The following MYH7 variants were observed in gnomAD, a reference collection of about 807,000 sequenced individuals.
MYH7 encodes myosin-7.
A neutral mutation model predicts 225.4 loss-of-function variants in MYH7; 129 were observed. That is an observed-to-expected ratio of 0.57 (90% confidence interval 0.50 to 0.66). The LOEUF is 0.66. Among genes scored for constraint, MYH7 ranks in the 30% least tolerant of loss-of-function variants. The probability of loss-of-function intolerance (pLI) is 0.00; values close to 1 mark genes in which losing one functional copy is unlikely to be tolerated. For missense variants in MYH7, 1,649 were observed against 2,517.0 expected, an observed-to-expected ratio of 0.66 and a Z score of 7.38; for synonymous variants, 971 against 1,007.6, an observed-to-expected ratio of 0.96 and a Z score of 0.69.
chr14:23,423,839 G>A lies in MYH7; in HGVS notation c.2922+68C>T, dbSNP rs1268739355. On this transcript the variant is annotated intron_variant, in intron 23 of 39. Transcript: ENST00000355349. ...CTCTGGATGCCGAGTGGCTAGCCTG[G>A]GTCAAGGTCAGTATGGTCTGAGAGT... is the stretch of plus-strand genomic sequence containing the variant. 4 of 1,613,518 alleles carry A rather than the reference G, an allele frequency of 2.5e-6. No homozygotes were observed. In the East Asian group the frequency reaches 6.7e-5, roughly 27 times the overall value.
In MYH7 at chr14:23,427,607, G is replaced by A. The variant is rs1228092542; in HGVS notation, c.1866C>T (p.Ala622=). 1 of 1,614,062 alleles carries A rather than the reference G, an allele frequency of 6.2e-7. No individual in the cohort carries two copies. The highest frequency in any genetic ancestry group is 8.5e-7 in the Non-Finnish European group (1 of 1,180,038). ...SSLKLLSTLF[A]NYAGADAPIE... is the part of the protein sequence containing the mutation. ...TACGCGCATCAGCCCCAGCATAGTTGGCAAACAGGGTGCTGAGCAGCTTGA... is the reference window on the plus strand; with the variant it reads ...TACGCGCATCAGCCCCAGCATAGTTAGCAAACAGGGTGCTGAGCAGCTTGA... Residue 622 remains alanine (A), a synonymous_variant, in exon 16 of 40, where the codon GCC becomes GCT. Coordinates refer to ENST00000355349, the MANE Select transcript of MYH7 (RefSeq NM_000257.4).
At chr14:23,429,743 G>A in intron 12 of MYH7, 32 bp downstream of exon 12, 2 of 1,609,026 alleles carry the variant, frequency 1.2e-6, no homozygotes, top group East Asian at 2.2e-5. Flanking sequence ...TCCATGACTT[G>A]ACAGCTGCCC....
At chr14:23,412,987 G>C in intron 39 of MYH7, 116 bp from the exon 40 acceptor site, 1 of 1,025,918 alleles carries the variant, frequency 9.7e-7, no homozygotes, top group Non-Finnish European at 1.5e-6. Context: ...TTGTGGGCAG[G>C]TGGAAGCCCC....
intron 31 of MYH7, 35 bp from the exon 32 acceptor site, chr14:23,417,353 A>G: frequency 6.2e-7 from 1 of 1,612,552 alleles, no homozygotes; most frequent in African/African-American, 1.3e-5. Flanking sequence ...TCAGCCCCCC[A>G]GCCTCAGCCC....
chr14:23,415,473 C>G lies in MYH7; in HGVS notation c.5191G>C (p.Asp1731His). ...GTCTGGAGCTGGGACAGGTCAGCAT[C>G]CATCTTCTTCTTCTGGTTGATGAGG... is the stretch of plus-strand genomic sequence containing the variant. ...TSLINQKKKMDADLSQLQTEV... is the reference protein window; with the variant it reads ...TSLINQKKKMHADLSQLQTEV... Residue 1731 changes from aspartate (D) to histidine (H), a missense_variant, in exon 36 of 40, where the codon GAT becomes CAT. Coordinates refer to ENST00000355349, the MANE Select transcript of MYH7 (RefSeq NM_000257.4). The surrounding 1 kb of genome is among the most constrained non-coding windows in gnomAD (Gnocchi z 6.3). 7 of 1,614,230 alleles carry G rather than the reference C, an allele frequency of 4.3e-6. No individual in the cohort carries two copies. Among genetic ancestry groups the G allele is most frequent in the Non-Finnish European group, 5.9e-6 (7 of 1,180,046 alleles).
rs565663412 is a variant in MYH7 at position 23,416,063 on chromosome 14, C to T, written c.4894G>A (p.Ala1632Thr). ...TGGGCCTCGGCGGCCATGCGGTTGG[C>T]GTGGCTGAGCTGGATCTCCATCTCA... Reference protein sequence around the residue: ...LNEMEIQLSHANRMAAEAQKQ... With the variant: ...LNEMEIQLSHTNRMAAEAQKQ... Residue 1632 changes from alanine to threonine, a missense_variant, in exon 34 of 40, where the codon GCC becomes ACC. By Grantham distance (58) the Ala-to-Thr change is moderately conservative. Coordinates refer to ENST00000355349, the MANE Select transcript of MYH7 (RefSeq NM_000257.4). 32 of 1,614,190 alleles carry T rather than the reference C, an allele frequency of 2.0e-5. No individual in the cohort carries two copies. The highest frequency in any genetic ancestry group is 8.9e-5 in the East Asian group (4 of 44,884).
rs200457830 is a variant in MYH7, at chr14:23,415,860, A to G, written c.4954-28T>C. 2.5e-6 allele frequency: 4 copies of G among 1,614,166 alleles called. No homozygotes were observed. Among genetic ancestry groups the G allele is most frequent in the African/African-American group, 1.3e-5 (1 of 75,052 alleles). On this transcript the variant is annotated intron_variant, in intron 34 of 39. Coordinates refer to ENST00000355349, the MANE Select transcript of MYH7 (RefSeq NM_000257.4). The surrounding 1 kb of genome is among the most constrained non-coding windows in gnomAD (Gnocchi z 6.3). ...GAGGATCAGGAGAGTGGGCATGAGC[A>G]GGGAGCCAGCCTCGGTTCCCTTCAC... is the stretch of plus-strand genomic sequence containing the variant.
At position 23,425,322 on chromosome 14, in the gene MYH7, C is replaced by T. The variant is rs1015031034; in HGVS notation, c.2383G>A (p.Val795Met). 1 of 1,614,194 alleles carries T rather than the reference C, an allele frequency of 6.2e-7. No homozygotes were observed. The highest frequency in any genetic ancestry group is 8.5e-7 in the Non-Finnish European group (1 of 1,180,032). ...ITRIQAQSRGVLARMEYKKLL... is the reference protein window; with the variant it reads ...ITRIQAQSRGMLARMEYKKLL... ...TTTTTGTACTCCATTCTGGCGAGCACACCTCGGGACTGGGCCTGGATACGC... is the reference window on the plus strand; with the variant it reads ...TTTTTGTACTCCATTCTGGCGAGCATACCTCGGGACTGGGCCTGGATACGC... The change falls in exon 21 of 40, where the codon GTG becomes ATG. Residue 795 changes from valine (V) to methionine (M), a missense_variant. By Grantham distance (21) the Val-to-Met change is conservative. This residue lies in a region of MYH7 where 36 missense variants were observed against 43.2 expected (regional missense o/e 0.83). Coordinates refer to ENST00000355349, the MANE Select transcript of MYH7 (RefSeq NM_000257.4). The surrounding 1 kb of genome is among the most constrained non-coding windows in gnomAD (Gnocchi z 4.6).
intron 25 of MYH7, chr14:23,421,706 C>G: frequency 3.1e-6 from 3 of 978,894 alleles, no homozygotes; most frequent in Non-Finnish European, 3.6e-6. Context: ...TTTGGAAGAA[C>G]TTACACTAAG....
chr14:23,418,817 A>C lies in MYH7; in HGVS notation c.3972+360T>G, dbSNP rs181639217. ...TTCATGAGTCCAGCAAAGTGCTAGG[A>C]ATAGGCTCCAGTTGAATTTCTTTCT... On this transcript the variant is annotated intron_variant, in intron 29 of 39. Coordinates refer to ENST00000355349, the MANE Select transcript of MYH7 (RefSeq NM_000257.4). Among the ~76,000 whole-genome samples, 309 of 152,318 alleles carry C rather than the reference A, an allele frequency of 2.0e-3. 1 individual carries two copies. Among genetic ancestry groups the C allele is most frequent in the African/African-American group, 7.0e-3 (290 of 41,574 alleles).
chr14:23,429,537 A>G (rs1892839922), intron 12 of MYH7, among the ~76,000 whole-genome samples, 190 bp from the exon 13 acceptor site: 1 of 152,048 alleles, frequency 6.6e-6, no homozygotes, highest in Non-Finnish European at 1.5e-5. Context: ...TTAGCCAGGC[A>G]TGGTGGTGCA....
At chr14:23,419,795 G>C in intron 27 of MYH7, 50 bp downstream of exon 27, 1 of 1,614,044 alleles carries the variant, frequency 6.2e-7, no homozygotes, top group Non-Finnish European at 8.5e-7. Context: ...TGGACAGAAA[G>C]GGGAGGTGGG....
Position 23,419,534 on chromosome 14 carries a change from G to A in MYH7, c.3802C>T (p.Arg1268Cys), listed in dbSNP as rs1892379072. ...EHRSKAEETQ[R>C]SVNDLTSQRA... Reference sequence around the variant, plus strand: ...TGGCTGGTGAGGTCGTTGACAGAACGCTGGGTCTCCTCCGCCTTGCTCCGG... The same window carrying A: ...TGGCTGGTGAGGTCGTTGACAGAACACTGGGTCTCCTCCGCCTTGCTCCGG... Residue 1268 changes from arginine (R) to cysteine (C), a missense_variant, in exon 28 of 40, where the codon CGT becomes TGT. Physicochemically the swap from Arg to Cys is radical, Grantham distance 180. This residue lies in a region of MYH7 where 687 missense variants were observed against 913.8 expected (regional missense o/e 0.75). Coordinates refer to ENST00000355349, the MANE Select transcript of MYH7 (RefSeq NM_000257.4). 6.2e-7 allele frequency: 1 copy of A among 1,614,070 alleles called. No homozygotes were observed. The highest frequency in any genetic ancestry group is 8.5e-7 in the Non-Finnish European group (1 of 1,180,012).
At position 23,433,694 on chromosome 14, in the gene MYH7, G is replaced by A. The variant is rs774107027; in HGVS notation, c.39C>T (p.Ala13=). The A allele has an allele frequency of 4.3e-6, 7 of 1,614,110 alleles. No individual in the cohort carries two copies. The highest frequency in any genetic ancestry group is 5.9e-6 in the Non-Finnish European group (7 of 1,180,058). The change falls in exon 3 of 40, where the codon GCC becomes GCT. Residue 13 remains alanine, a synonymous_variant. Coordinates refer to ENST00000355349, the MANE Select transcript of MYH7 (RefSeq NM_000257.4). The surrounding 1 kb of genome is among the most constrained non-coding windows in gnomAD (Gnocchi z 4.1). ...CCTTCTCTGACTTGCGCAGGTAGGG[G>A]GCGGCAGCCCCAAAGACTGCCATCT... ...DSEMAVFGAA[A]PYLRKSEKER...
intron 6 of MYH7, 123 bp from the exon 7 acceptor site, chr14:23,431,992 A>G (rs1892966360): frequency 9.3e-6 from 9 of 971,730 alleles, no homozygotes; most frequent in Non-Finnish European, 1.3e-5. Context: ...CTGCCAGGTT[A>G]TCTACACCCA....
In MYH7 at chr14:23,425,071, T is replaced by C. The variant is rs543878055; in HGVS notation, c.2424-47A>G. 1 of 1,613,844 alleles carries C rather than the reference T, an allele frequency of 6.2e-7. No homozygotes were observed. The highest frequency in any genetic ancestry group is 8.5e-7 in the Non-Finnish European group (1 of 1,179,946). Reference sequence around the variant, plus strand: ...AGTGCTGAGCCTCCTGCCTCCTTCCTACCTGAGGTCCTGAAACCTTGGGAA... The same window carrying C: ...AGTGCTGAGCCTCCTGCCTCCTTCCCACCTGAGGTCCTGAAACCTTGGGAA... On this transcript the variant is annotated intron_variant, in intron 21 of 39. Transcript: ENST00000355349. This position sits in a 1 kb window ranked among gnomAD's most constrained non-coding sequence, Gnocchi z 4.6.
rs758822596 is a variant in MYH7 at position 23,422,254 on chromosome 14, G to A, written c.3171C>T (p.Gly1057=). 13 of 1,613,856 alleles carry A rather than the reference G, an allele frequency of 8.1e-6. No individual in the cohort carries two copies. Among genetic ancestry groups the A allele is most frequent in the South Asian group, 3.3e-5 (3 of 91,082 alleles). The stretch of plus-strand genomic sequence containing the variant: ...TGCTCTCCTGGGTCAGCTTCAGGTC[G>A]CCCTCCAGCTTCCGCTTCGCTCGCT... The part of the protein sequence containing the change: ...DLERAKRKLE[G]DLKLTQESIM... Residue 1057 remains glycine, a synonymous_variant, in exon 25 of 40, where the codon GGC becomes GGT. Coordinates refer to ENST00000355349, the MANE Select transcript of MYH7 (RefSeq NM_000257.4).
intron 2 of MYH7, among the ~76,000 whole-genome samples, 157 bp downstream of exon 2, chr14:23,434,037 A>G (rs1327897145): frequency 6.6e-6 from 1 of 152,222 alleles, no homozygotes; most frequent in Non-Finnish European, 1.5e-5. Context: ...TCTGACCCTC[A>G]TCTATCCCTG....
rs1487002556 is a variant in MYH7 at position 23,423,430 on chromosome 14, AACACAAACAC to A, written c.3099+107_3099+116del. 2.9e-5 allele frequency: 35 copies of A among 1,212,188 alleles called. No homozygotes were observed. In the Admixed American group the frequency reaches 5.1e-4, roughly 18 times the overall value. 75.1% of individuals were successfully genotyped at this position (1,212,188 alleles called of 1,614,324 possible). A position where few individuals can be genotyped will look rare whatever the true frequency, so the allele number is the denominator to read the frequency against. Reference sequence around the variant, plus strand: ...CTAACCCTACCCCCCTCTAAACATAAACACAAACACACACACACACACACACACACACACA... The same window carrying A: ...CTAACCCTACCCCCCTCTAAACATAAACACACACACACACACACACACACA... On this transcript the variant is annotated intron_variant, in intron 24 of 39. Coordinates refer to ENST00000355349, the MANE Select transcript of MYH7 (RefSeq NM_000257.4).
Sources: allele counts gnomAD v4.1 joint callset (sites outside exome capture counted in the v4.1 genomes callset), GRCh38; gene constraint gnomAD v4.1.1; regional missense constraint gnomAD v4.1.1; non-coding constraint Gnocchi (gnomAD v3.1); transcripts MANE v1.5; gene names NCBI Gene and HGNC (gene_info 2026-07-23, HGNC 2026-07-21).